The following DNER variants were observed in gnomAD, a reference collection of about 807,000 sequenced individuals.
The protein encoded by DNER is delta and Notch-like epidermal growth factor-related receptor.
In DNER, 33 loss-of-function variants were observed where a neutral mutation model predicts 78.2. The observed-to-expected ratio is 0.42, with a 90% CI of 0.32 to 0.56. DNER has a LOEUF of 0.56. Ranked by LOEUF, DNER falls within the 20% of genes least tolerant of loss-of-function variation. The pLI is 0.11. For missense variants in DNER, 918 were observed against 975.3 expected, an observed-to-expected ratio of 0.94 and a Z score of 0.78; for synonymous variants, 417 against 384.8, an observed-to-expected ratio of 1.08 and a Z score of -0.98.
At chr2:229,359,211 T>C (rs1292251673) in intron 12 of DNER, among the ~76,000 whole-genome samples, 4 of 152,190 alleles carry the variant, frequency 2.6e-5, no homozygotes, top group Non-Finnish European at 4.4e-5. Context: ...GAACTCACCA[T>C]TGAATCCCAC....
intron 5 of DNER, among the ~76,000 whole-genome samples, chr2:229,526,033 T>G (rs193125246): frequency 7.3e-4 from 111 of 152,288 alleles, no homozygotes; most frequent in African/African-American, 2.5e-3. Flanking sequence ...GCAGGTTAGA[T>G]CTAATAAATG....
In DNER at chr2:229,533,515, TA is replaced by T. The variant is rs1289295735; in HGVS notation, c.993+13431del. On this transcript the variant is annotated intron_variant, in intron 5 of 12. Transcript: ENST00000341772. ...ACCTCGAATGTCCTTGATGCGGCAG[TA>T]AAAATTAAAATTTGATGAATGAACC... 2.0e-5 allele frequency among the ~76,000 whole-genome samples: 3 copies of T among 152,284 alleles called. No individual in the cohort carries two copies. The East Asian group carries it at 5.8e-4, about 29-fold the overall frequency.
chr2:229,557,644 C>G (rs1295884278), intron 4 of DNER, among the ~76,000 whole-genome samples: 1 of 145,172 alleles, frequency 6.9e-6, no homozygotes, highest in East Asian at 2.0e-4. Context: ...GAAGAAAAGA[C>G]AGAAAAAGAG....
chr2:229,522,093 A>G (rs1574883639), intron 5 of DNER, among the ~76,000 whole-genome samples: 1 of 152,152 alleles, frequency 6.6e-6, no homozygotes. Flanking sequence ...ACATTCATGA[A>G]TTCATGGAAT....
At chr2:229,449,577 A>AATG (rs1164429048) in intron 7 of DNER, among the ~76,000 whole-genome samples, 1 of 151,988 alleles carries the variant, frequency 6.6e-6, no homozygotes, top group Non-Finnish European at 1.5e-5. Context: ...AGGAAAAAAA[A>AATG]ATGGTGGGGG....
chr2:229,392,651 AG>A (rs201217488), intron 10 of DNER, among the ~76,000 whole-genome samples: 2,046 of 152,302 alleles, frequency 0.013, 20 homozygotes, highest in Non-Finnish European at 0.02. Context: ...GCACTGCCAG[AG>A]TGGAACTATT....
At position 229,447,332 on chromosome 2, in the gene DNER, T is replaced by A; in HGVS notation, c.1470A>T (p.Lys490Asn). 1 of 1,604,312 alleles carries A rather than the reference T, an allele frequency of 6.2e-7. No homozygotes were observed. Among genetic ancestry groups the A allele is most frequent in the Non-Finnish European group, 8.5e-7 (1 of 1,175,454 alleles). Residue 490 changes from lysine to asparagine, a missense_variant, in exon 8 of 13, where the codon AAA (lysine) becomes AAT (asparagine). Lys to Asn is a moderately conservative substitution (Grantham distance 94). Transcript: ENST00000341772. ...GGTACCCACCTGGATCACAGAGGCA[T>A]TTGTAGCTGGTGCCCACGCTGCGGC... ...GTCRSVGTSY[K>N]CLCDPGYHGL...
chr2:229,388,303 T>C lies in DNER; in HGVS notation c.1817A>G (p.His606Arg). Reference protein sequence around the residue: ...CLDQPNGYNCHCPHGWVGANC... With the variant: ...CLDQPNGYNCRCPHGWVGANC... ...TGCTCCCACCCAACCATGCGGGCAG[T>C]GGCAGTTATAACCATTGGGCTGGTC... The change falls in exon 11 of 13, where the codon CAC becomes CGC. Residue 606 changes from histidine to arginine, a missense_variant. Transcript: ENST00000341772. 6.2e-7 allele frequency: 1 copy of C among 1,611,500 alleles called. No individual in the cohort carries two copies. Among genetic ancestry groups the C allele is most frequent in the South Asian group, 1.1e-5 (1 of 90,768 alleles).
intron 8 of DNER, among the ~76,000 whole-genome samples, chr2:229,432,315 AAGTT>A (rs1477548148): frequency 6.6e-6 from 1 of 152,136 alleles, no homozygotes; most frequent in Non-Finnish European, 1.5e-5. Context: ...CACATTCCAG[AAGTT>A]TTTCATTATG....
At chr2:229,514,879 T>C (rs1476446198) in intron 5 of DNER, among the ~76,000 whole-genome samples, 1 of 152,210 alleles carries the variant, frequency 6.6e-6, no homozygotes, top group Non-Finnish European at 1.5e-5. Flanking sequence ...CCAAATTGTA[T>C]ATGGGTGTCT....
rs1699568708 is a variant in DNER, at chr2:229,691,373, T to C, written c.276+22775A>G. Among the ~76,000 whole-genome samples, 3 of 152,256 alleles carry C rather than the reference T, an allele frequency of 2.0e-5. No individual in the cohort carries two copies. The South Asian group carries it at 6.2e-4, about 32-fold the overall frequency. On this transcript the variant is annotated intron_variant, in intron 1 of 12. Coordinates refer to ENST00000341772, the MANE Select transcript of DNER (RefSeq NM_139072.4). ...CTACCACATCGCAGCTCTGGTTCACTCTTAATGGAAAACTACTATCCTTTG... is the reference window on the plus strand; with the variant it reads ...CTACCACATCGCAGCTCTGGTTCACCCTTAATGGAAAACTACTATCCTTTG...
At chr2:229,461,290 G>A (rs1174413329) in intron 7 of DNER, among the ~76,000 whole-genome samples, 1 of 151,970 alleles carries the variant, frequency 6.6e-6, no homozygotes, top group Non-Finnish European at 1.5e-5. Context: ...CCTACATAAT[G>A]TTATAACTCT....
At chr2:229,561,813 TGC>T (rs1309628504) in intron 4 of DNER, among the ~76,000 whole-genome samples, 1 of 152,180 alleles carries the variant, frequency 6.6e-6, no homozygotes, top group Admixed American at 6.5e-5. Flanking sequence ...TCTCCTCTCA[TGC>T]CTATAATAAT....
chr2:229,642,943 G>T (rs1033320524), intron 1 of DNER, among the ~76,000 whole-genome samples: 25 of 152,248 alleles, frequency 1.6e-4, no homozygotes, highest in African/African-American at 5.8e-4. Flanking sequence ...ATACTAAGGG[G>T]TCAGGCACAG....
Position 229,379,222 on chromosome 2 carries a change from A to G in DNER, c.1855+9043T>C, listed in dbSNP as rs1401413737. On this transcript the variant is annotated intron_variant, in intron 11 of 12. Transcript: ENST00000341772. ...ATCCTTCCTGGGAGTAGCTCATAGC[A>G]TAAGAGGTATAGTAGTACAGAAAAA... 2.0e-5 allele frequency among the ~76,000 whole-genome samples: 3 copies of G among 152,216 alleles called. No individual in the cohort carries two copies. In the East Asian group the frequency reaches 5.8e-4, roughly 29 times the overall value.
At chr2:229,514,520 T>C (rs1695931339) in intron 5 of DNER, among the ~76,000 whole-genome samples, 1 of 152,216 alleles carries the variant, frequency 6.6e-6, no homozygotes, top group African/African-American at 2.4e-5. Context: ...ATTGTTTTCA[T>C]CTGTGACCTA....
intron 9 of DNER, 55 bp downstream of exon 9, chr2:229,418,053 A>C: frequency 6.2e-7 from 1 of 1,613,384 alleles, no homozygotes. Context: ...ACACTGAGAA[A>C]TACATGACGT....
chr2:229,520,031 G>A (rs1696063022), intron 5 of DNER, among the ~76,000 whole-genome samples: 6 of 152,158 alleles, frequency 3.9e-5, no homozygotes, highest in Admixed American at 3.9e-4. Context: ...GCGCCTAATT[G>A]CTCCTGAACA....
chr2:229,553,742 A>C (rs917803105), intron 4 of DNER, among the ~76,000 whole-genome samples: 2 of 152,150 alleles, frequency 1.3e-5, no homozygotes, highest in Admixed American at 6.5e-5. Flanking sequence ...TGGGCCCTGT[A>C]CTGGTTGAGA....
Sources: gnomAD v4.1 joint callset for allele counts (sites outside exome capture counted in the v4.1 genomes callset) on GRCh38, gnomAD v4.1.1 for gene constraint, MANE v1.5 for transcripts, NCBI Gene and HGNC (gene_info 2026-07-23, HGNC 2026-07-21) for gene names.